TRPM2: variants seen among roughly 807,000 people sequenced by gnomAD.
The protein encoded by TRPM2 is transient receptor potential cation channel subfamily M member 2.
In TRPM2, 161 loss-of-function variants were observed where a neutral mutation model predicts 174.0. The observed-to-expected ratio is 0.93, with a 90% confidence interval of 0.81 to 1.05. TRPM2 has a LOEUF of 1.05. Among genes scored for constraint, TRPM2 ranks in the 50% least tolerant of loss-of-function variants. The probability of loss-of-function intolerance (pLI) is 0.00; values close to 1 mark genes in which losing one functional copy is unlikely to be tolerated. For missense variants in TRPM2, 2,057 were observed against 2,038.0 expected, an observed-to-expected ratio of 1.01 and a Z score of -0.18; for synonymous variants, 954 against 861.3, an observed-to-expected ratio of 1.11 and a Z score of -1.88.
In TRPM2 at chr21:44,425,744, T is replaced by C. The variant is rs750984559; in HGVS notation, c.3712T>C (p.Tyr1238His). 1.9e-6 allele frequency: 3 copies of C among 1,593,148 alleles called. No homozygotes were observed. Among genetic ancestry groups the C allele is most frequent in the South Asian group, 2.2e-5 (2 of 88,890 alleles). ...GAAGACGGAGGAGCCGGGCGACAGC[T>C]ACCACGTGAATGCCCGGCACCTCCT... ...RKKTEEPGDSYHVNARHLLYP... is the reference protein window; with the variant it reads ...RKKTEEPGDSHHVNARHLLYP... The change falls in exon 25 of 32, where the codon TAC becomes CAC. Residue 1238 changes from tyrosine to histidine, a missense_variant. Transcript: ENST00000397928.
chr21:44,440,342 A>G (rs1008849497), intron 30 of TRPM2, among the ~76,000 whole-genome samples: 4 of 151,102 alleles, frequency 2.6e-5, no homozygotes, highest in African/African-American at 9.7e-5. Context: ...GATCAATGCC[A>G]TGGTGTGGAG....
chr21:44,382,984 G>T (rs2048927681), intron 9 of TRPM2, among the ~76,000 whole-genome samples, 164 bp downstream of exon 9: 1 of 152,206 alleles, frequency 6.6e-6, no homozygotes, highest in South Asian at 2.1e-4. Context: ...GTGGGCGCCT[G>T]CCTGTCACCT....
intron 6 of TRPM2, 67 bp from the exon 7 acceptor site, chr21:44,377,645 T>G: frequency 6.3e-7 from 1 of 1,597,264 alleles, no homozygotes; most frequent in Admixed American, 1.7e-5. Flanking sequence ...TTTGTTCAGG[T>G]GTGGCCCTCA....
chr21:44,368,303 G>T (rs904721652), intron 4 of TRPM2, among the ~76,000 whole-genome samples: 1 of 151,720 alleles, frequency 6.6e-6, no homozygotes, highest in South Asian at 2.1e-4. Flanking sequence ...TAGAGACAAG[G>T]TCTATGTTGT....
intron 19 of TRPM2, 70 bp downstream of exon 19, chr21:44,406,835 G>A (rs536779795): frequency 1.4e-5 from 21 of 1,527,502 alleles, no homozygotes; most frequent in East Asian, 7.3e-5. Context: ...GAAAGGGGCC[G>A]CATGAGTGGG....
At chr21:44,368,966 G>C (rs967949755) in intron 4 of TRPM2, among the ~76,000 whole-genome samples, 5 of 152,196 alleles carry the variant, frequency 3.3e-5, no homozygotes, top group Non-Finnish European at 1.5e-5. Context: ...GACCGGGAGA[G>C]GGGCGGGGCC....
At chr21:44,360,223 A>G (rs1418602424) in intron 2 of TRPM2, among the ~76,000 whole-genome samples, 1 of 152,204 alleles carries the variant, frequency 6.6e-6, no homozygotes, top group African/African-American at 2.4e-5. Flanking sequence ...AAAAGAGGGA[A>G]GTTAGCAGTT....
chr21:44,409,813 G>C (rs1277943561), intron 19 of TRPM2, among the ~76,000 whole-genome samples: 2 of 148,726 alleles, frequency 1.3e-5, no homozygotes, highest in Non-Finnish European at 3.0e-5. Context: ...AGTAAGTTTT[G>C]ACCGCACTGT....
intron 28 of TRPM2, among the ~76,000 whole-genome samples, chr21:44,436,442 C>T (rs1049521573): frequency 1.3e-5 from 2 of 152,032 alleles, no homozygotes; most frequent in African/African-American, 4.8e-5. Flanking sequence ...CTCTCTGCTC[C>T]CCAGTCCTTT....
intron 5 of TRPM2, among the ~76,000 whole-genome samples, chr21:44,371,248 C>G (rs112944996): frequency 7.1e-4 from 104 of 147,404 alleles, no homozygotes; most frequent in African/African-American, 1.4e-3. Context: ...TCCCTCCAGT[C>G]TCTGCCTCCG....
chr21:44,414,933 C>T (rs766250273), intron 20 of TRPM2: 1 of 152,222 alleles, frequency 6.6e-6, no homozygotes, highest in Non-Finnish European at 1.5e-5. Flanking sequence ...GGCTTCTTTT[C>T]CCGTCTGCCA....
Position 44,376,967 on chromosome 21 carries a change from C to A in TRPM2, c.953-745C>A, listed in dbSNP as rs1327768560. Among the ~76,000 whole-genome samples the A allele has an allele frequency of 6.6e-6, 1 of 151,502 alleles. No individual in the cohort carries two copies. The highest frequency in any genetic ancestry group is 1.9e-4 in the East Asian group (1 of 5,152). On this transcript the variant is annotated intron_variant, in intron 6 of 31. Transcript: ENST00000397928. The surrounding 1 kb of genome is among the most constrained non-coding windows in gnomAD (Gnocchi z 4.2). ...GAACCCTGCTTGACTAGTAGGAGCA[C>A]GTTCCCTGGTGAGGACGATGCTGCA... is the stretch of plus-strand genomic sequence containing the variant.
Position 44,435,175 on chromosome 21 carries a change from G to T in TRPM2, c.4019G>T (p.Ser1340Ile). The change falls in exon 28 of 32, where the codon AGC becomes ATC. Residue 1340 changes from serine (S) to isoleucine (I), a missense_variant. Ser to Ile is a moderately radical substitution (Grantham distance 142, BLOSUM62 -2). Coordinates refer to ENST00000397928, the MANE Select transcript of TRPM2 (RefSeq NM_003307.4). ...GGACTGCGTGGGCGCGGGAGCCTCA[G>T]CTGCTTCGGACCCAACCACACGCTG... The part of the protein sequence containing the change: ...RTGLRGRGSL[S>I]CFGPNHTLYP... 2.5e-6 allele frequency: 4 copies of T among 1,613,460 alleles called. No homozygotes were observed. The highest frequency in any genetic ancestry group is 3.4e-6 in the Non-Finnish European group (4 of 1,179,608).
chr21:44,372,411 C>A (rs2048568397), intron 5 of TRPM2, among the ~76,000 whole-genome samples: 1 of 152,106 alleles, frequency 6.6e-6, no homozygotes, highest in South Asian at 2.1e-4. Context: ...AGGAGAATCG[C>A]TTGAACCTGG....
intron 2 of TRPM2, among the ~76,000 whole-genome samples, chr21:44,358,953 G>C (rs2048131800): frequency 6.6e-6 from 1 of 151,962 alleles, no homozygotes; most frequent in South Asian, 2.1e-4. Flanking sequence ...AGCGTGAAAG[G>C]GGACCCGAGC....
rs866269846 is a variant in TRPM2 at position 44,418,666 on chromosome 21, C to T, written c.3461+111C>T. 3.9e-5 allele frequency: 53 copies of T among 1,373,902 alleles called. 1 individual carries two copies. The Middle Eastern group carries it at 1.6e-3, about 40-fold the overall frequency. 85.1% of individuals were successfully genotyped at this position (1,373,902 alleles called of 1,614,324 possible). A position where few individuals can be genotyped will look rare whatever the true frequency, so the allele number is the denominator to read the frequency against. ...CTGGGGAGGCCCAGCAATGCCTCACCGGTGAGGGAGCGCTGTATCCCGTGG... is the reference window on the plus strand; with the variant it reads ...CTGGGGAGGCCCAGCAATGCCTCACTGGTGAGGGAGCGCTGTATCCCGTGG... On this transcript the variant is annotated intron_variant, in intron 22 of 31. Transcript: ENST00000397928.
chr21:44,437,293 G>A, intron 29 of TRPM2, 126 bp downstream of exon 29: 2 of 828,214 alleles, frequency 2.4e-6, no homozygotes, highest in South Asian at 3.2e-5. Context: ...GGGCAGGGAG[G>A]GTTCGAGACC....
rs189175805 is a variant in TRPM2, at chr21:44,357,761, G to A, written c.254+3025G>A. On this transcript the variant is annotated intron_variant, in intron 2 of 31. Transcript: ENST00000397928. Reference sequence around the variant, plus strand: ...AAAGCACTCCTAGCAGTCAGGGGACGGAGAGACGCTCCAAAAGCCCCGTTC... The same window carrying A: ...AAAGCACTCCTAGCAGTCAGGGGACAGAGAGACGCTCCAAAAGCCCCGTTC... Among the ~76,000 whole-genome samples, 54 of 152,316 alleles carry A rather than the reference G, an allele frequency of 3.5e-4. No individual in the cohort carries two copies. In the East Asian group the frequency reaches 4.1e-3, roughly 11 times the overall value.
rs369979697 is a variant in TRPM2, at chr21:44,439,103, C to G, written c.4204C>G (p.Leu1402Val). 31 of 1,613,590 alleles carry G rather than the reference C, an allele frequency of 1.9e-5. No homozygotes were observed. Among genetic ancestry groups the G allele is most frequent in the Non-Finnish European group, 2.6e-5 (31 of 1,179,886 alleles). ...GCCAGGGGAGATGCTACCTCGGAAGCTGAAGCGGATCCTCCGGCAGGAGCA... is the reference window on the plus strand; with the variant it reads ...GCCAGGGGAGATGCTACCTCGGAAGGTGAAGCGGATCCTCCGGCAGGAGCA... Reference protein sequence around the residue: ...REPGEMLPRKLKRILRQEHWP... With the variant: ...REPGEMLPRKVKRILRQEHWP... The change falls in exon 30 of 32, where the codon CTG (leucine) becomes GTG (valine). Residue 1402 changes from leucine to valine, a missense_variant. By Grantham distance (32) the Leu-to-Val change is conservative. Transcript: ENST00000397928. The surrounding 1 kb of genome is among the most constrained non-coding windows in gnomAD (Gnocchi z 5.1).
Sources: allele counts gnomAD v4.1 joint callset (sites outside exome capture counted in the v4.1 genomes callset), GRCh38; gene constraint gnomAD v4.1.1; non-coding constraint Gnocchi (gnomAD v3.1); transcripts MANE v1.5; gene names NCBI Gene and HGNC (gene_info 2026-07-23, HGNC 2026-07-21).